The following SMIM36 variants were observed in gnomAD, a reference collection of about 807,000 sequenced individuals.
SMIM36 encodes the protein small integral membrane protein 36.
intron 1 of SMIM36, among the ~76,000 whole-genome samples, chr17:55,493,783 A>G (rs4257262): frequency 0.69 from 97,789 of 140,974 alleles, 35,170 homozygotes; most frequent in African/African-American, 0.91. Context: ...GCACTCCAGC[A>G]TGGGCAGCAG....
chr17:55,471,610 C>T (rs895679535), intron 3 of SMIM36, among the ~76,000 whole-genome samples: 1 of 152,186 alleles, frequency 6.6e-6, no homozygotes. Context: ...TTTACAAGCT[C>T]ACAAAGGGTA....
At chr17:55,525,255 CTG>C in the SMIM36 span, among the ~76,000 whole-genome samples, 2 of 152,208 alleles carry the variant, frequency 1.3e-5, no homozygotes, top group Non-Finnish European at 2.9e-5. Flanking sequence ...TTTGGAAAAA[CTG>C]TGTCATCCCT....
At chr17:55,463,298 A>G (rs1909177768) in intron 4 of SMIM36, among the ~76,000 whole-genome samples, 1 of 152,186 alleles carries the variant, frequency 6.6e-6, no homozygotes, top group Non-Finnish European at 1.5e-5. Flanking sequence ...TCACACCTGT[A>G]ATCCCAGCAC....
At chr17:55,524,088 C>T in the SMIM36 span, among the ~76,000 whole-genome samples, 2 of 152,132 alleles carry the variant, frequency 1.3e-5, no homozygotes, top group African/African-American at 4.8e-5. Context: ...TCTCCACCCT[C>T]AAGTAGGCTC....
At chr17:55,465,250 G>A (rs763123020) in intron 4 of SMIM36, among the ~76,000 whole-genome samples, 5 of 152,190 alleles carry the variant, frequency 3.3e-5, no homozygotes, top group Non-Finnish European at 5.9e-5. Flanking sequence ...AGTCAGACAG[G>A]CTTATTCAGA....
At chr17:55,478,729 T>TTACCCATCCCAACACTGTTTCCC in intron 3 of SMIM36, 33 bp downstream of exon 3, 1 of 152,032 alleles carries the variant, frequency 6.6e-6, no homozygotes, top group Non-Finnish European at 1.5e-5. Context: ...TGAAATGGGG[T>TTACCCATCCCAACACTGTTTCCC]TGGTTGGGAA....
upstream of SMIM36, among the ~76,000 whole-genome samples, chr17:55,513,962 G>T (rs546022546): frequency 2.0e-5 from 3 of 152,052 alleles, no homozygotes; most frequent in Non-Finnish European, 4.4e-5. Flanking sequence ...TATTGTCTTT[G>T]GTTCCAGTAT....
chr17:55,532,096 G>A, the SMIM36 span, among the ~76,000 whole-genome samples: 10 of 152,252 alleles, frequency 6.6e-5, no homozygotes, highest in South Asian at 4.1e-4. Flanking sequence ...TTTATGCCCC[G>A]TTATGCTTCC....
At chr17:55,501,382 GAATAT>G (rs1346597663) in intron 1 of SMIM36, among the ~76,000 whole-genome samples, 2 of 17,288 alleles carry the variant, frequency 1.2e-4, no homozygotes, top group Admixed American at 2.4e-3. Flanking sequence ...ATATATTATA[GAATAT>G]AATATATTAT....
intron 1 of SMIM36, among the ~76,000 whole-genome samples, chr17:55,508,928 CAAAAAAAAA>C (rs35834283): frequency 8.2e-5 from 8 of 97,030 alleles, no homozygotes; most frequent in Admixed American, 6.2e-4. Flanking sequence ...TGTCTCAGAA[CAAAAAAAAA>C]AAAAAAAAAA....
At chr17:55,493,625 C>T (rs1056093725) in intron 1 of SMIM36, among the ~76,000 whole-genome samples, 14 of 151,788 alleles carry the variant, frequency 9.2e-5, no homozygotes, top group Admixed American at 2.0e-4. Context: ...GCCTGGGCAA[C>T]GTGGTGAAAC....
the SMIM36 span, among the ~76,000 whole-genome samples, chr17:55,523,087 A>G: frequency 6.6e-6 from 1 of 152,196 alleles, no homozygotes; most frequent in Non-Finnish European, 1.5e-5. Flanking sequence ...GAATTCATAT[A>G]TTGAATCCCT....
intron 4 of SMIM36, among the ~76,000 whole-genome samples, chr17:55,459,756 G>A (rs1909102324): frequency 2.0e-5 from 3 of 152,192 alleles, no homozygotes; most frequent in African/African-American, 7.2e-5. Context: ...GAGCACTTTG[G>A]GAGGCCAAGG....
chr17:55,523,682 GT>G, the SMIM36 span, among the ~76,000 whole-genome samples: 1 of 152,120 alleles, frequency 6.6e-6, no homozygotes, highest in African/African-American at 2.4e-5. Context: ...GGTTTCTGCT[GT>G]TTAGGGCACC....
intron 1 of SMIM36, among the ~76,000 whole-genome samples, chr17:55,489,054 G>A (rs1567867883): frequency 6.6e-6 from 1 of 152,078 alleles, no homozygotes; most frequent in Non-Finnish European, 1.5e-5. Context: ...GTACAATAGG[G>A]AAACTGCAGT....
At chr17:55,489,598 ACTC>A (rs1453778881) in intron 1 of SMIM36, among the ~76,000 whole-genome samples, 1 of 151,768 alleles carries the variant, frequency 6.6e-6, no homozygotes, top group Non-Finnish European at 1.5e-5. Context: ...AGACCATCAC[ACTC>A]CTCTGCAATC....
At chr17:55,521,319 C>T in the SMIM36 span, among the ~76,000 whole-genome samples, 5 of 152,084 alleles carry the variant, frequency 3.3e-5, no homozygotes, top group African/African-American at 7.2e-5. Flanking sequence ...TGACAAGAAC[C>T]CTTACAAAAA....
chr17:55,464,200 G>C (rs1909195640), intron 4 of SMIM36, among the ~76,000 whole-genome samples: 1 of 152,156 alleles, frequency 6.6e-6, no homozygotes, highest in Non-Finnish European at 1.5e-5. Context: ...ACTATTCTAT[G>C]GCTTGAAACT....
the SMIM36 span, among the ~76,000 whole-genome samples, chr17:55,526,367 C>T: frequency 0.031 from 4,710 of 152,004 alleles, 206 homozygotes; most frequent in East Asian, 0.1. Context: ...CCATGTTGGC[C>T]AGACTGGTCT....
Sources: allele counts gnomAD v4.1 joint callset (sites outside exome capture counted in the v4.1 genomes callset), GRCh38; gene constraint gnomAD v4.1.1; transcripts MANE v1.5; gene names NCBI Gene and HGNC (gene_info 2026-07-23, HGNC 2026-07-21).